Variants in TBC1D22A observed in about 807,000 individuals in gnomAD.
The protein encoded by TBC1D22A is TBC1 domain family member 22A, also known as putative GTPase activator.
TBC1D22A carries 38 observed loss-of-function variants against 60.2 expected under a neutral mutation model. The observed-to-expected ratio is 0.63, with a 90% confidence interval of 0.49 to 0.83. TBC1D22A has a LOEUF of 0.83. Among genes scored for constraint, TBC1D22A ranks in the 40% least tolerant of loss-of-function variants. The pLI is 0.00. For synonymous variants in TBC1D22A, 302 were observed against 281.7 expected, an observed-to-expected ratio of 1.07 and a Z score of -0.72; for missense variants, 628 against 701.0, an observed-to-expected ratio of 0.90 and a Z score of 1.18.
intron 12 of TBC1D22A, among the ~76,000 whole-genome samples, chr22:47,153,780 G>T (rs2147181478): frequency 6.6e-6 from 1 of 152,314 alleles, no homozygotes; most frequent in Admixed American, 6.5e-5. Context: ...TGGGGACGAT[G>T]TCTGCATTTG....
At chr22:46,767,585 T>TAG (rs1484571416) in intron 1 of TBC1D22A, among the ~76,000 whole-genome samples, 1 of 152,124 alleles carries the variant, frequency 6.6e-6, no homozygotes, top group East Asian at 1.9e-4. Flanking sequence ...ATAAATAACA[T>TAG]AGCTCAGTTA....
chr22:46,792,807 G>T (rs997964251), intron 2 of TBC1D22A: 4 of 1,451,618 alleles, frequency 2.8e-6, no homozygotes, highest in Non-Finnish European at 3.6e-6. Flanking sequence ...GTGGGGAGGT[G>T]GGGGAGCCCT....
intron 11 of TBC1D22A, among the ~76,000 whole-genome samples, chr22:47,058,287 C>T (rs1374829442): frequency 6.6e-6 from 1 of 152,184 alleles, no homozygotes; most frequent in African/African-American, 2.4e-5. Flanking sequence ...CTGCTTGTTA[C>T]TGACTTGACT....
intron 4 of TBC1D22A, among the ~76,000 whole-genome samples, chr22:46,853,801 G>A (rs920528067): frequency 2.0e-5 from 3 of 152,018 alleles, no homozygotes; most frequent in Non-Finnish European, 2.9e-5. Context: ...TCTGGGCCCT[G>A]GAGACTCAGC....
rs1274841874 is a variant in TBC1D22A, at chr22:47,141,288, G to T, written c.1425+29685G>T. Among the ~76,000 whole-genome samples, 8 of 152,306 alleles carry T rather than the reference G, an allele frequency of 5.3e-5. No homozygotes were observed. In the East Asian group the frequency reaches 1.5e-3, roughly 29 times the overall value. On this transcript the variant is annotated intron_variant, in intron 12 of 12. Coordinates refer to ENST00000337137, the MANE Select transcript of TBC1D22A (RefSeq NM_014346.5). ...GATTGTGGGAGCTACAATTCAAGAT[G>T]AGATTTGGGTGGGGACACAGCCAAA...
intron 7 of TBC1D22A, among the ~76,000 whole-genome samples, chr22:46,900,994 A>G (rs2068961899): frequency 6.6e-6 from 1 of 152,214 alleles, no homozygotes; most frequent in African/African-American, 2.4e-5. Flanking sequence ...TAGTTTTAAA[A>G]TCATAAATGG....
chr22:46,941,839 AAT>A (rs2072168386), intron 8 of TBC1D22A, among the ~76,000 whole-genome samples: 2 of 147,094 alleles, frequency 1.4e-5, no homozygotes, highest in African/African-American at 5.0e-5. Context: ...AGAATAATAG[AAT>A]ATATGTATAG....
At chr22:46,920,943 G>A (rs922829715) in intron 8 of TBC1D22A, among the ~76,000 whole-genome samples, 9 of 151,762 alleles carry the variant, frequency 5.9e-5, no homozygotes, top group Admixed American at 3.9e-4. Flanking sequence ...GCTAATTTTT[G>A]TATTTTTAGT....
intron 1 of TBC1D22A, among the ~76,000 whole-genome samples, chr22:46,769,328 A>T: frequency 6.6e-6 from 1 of 152,178 alleles, no homozygotes; most frequent in East Asian, 1.9e-4. Flanking sequence ...ACTGTTGGGG[A>T]TAATGAATTC....
In TBC1D22A at chr22:46,828,943, A is replaced by G. The variant is rs139649772; in HGVS notation, c.637+31323A>G. ...AAACGACCTACATGGCAGGTTCTATATTGTCTGTTTCAGATGAGCTAGAGG... is the reference window on the plus strand; with the variant it reads ...AAACGACCTACATGGCAGGTTCTATGTTGTCTGTTTCAGATGAGCTAGAGG... On this transcript the variant is annotated intron_variant, in intron 4 of 12. Coordinates refer to ENST00000337137, the MANE Select transcript of TBC1D22A (RefSeq NM_014346.5). 4.0e-3 allele frequency among the ~76,000 whole-genome samples: 611 copies of G among 152,230 alleles called. 2 individuals carry two copies. Among genetic ancestry groups the G allele is most frequent in the Middle Eastern group, 0.037 (11 of 294 alleles).
intron 4 of TBC1D22A, among the ~76,000 whole-genome samples, chr22:46,859,025 G>T (rs2087731790): frequency 7.8e-6 from 1 of 128,082 alleles, no homozygotes; most frequent in African/African-American, 2.9e-5. Context: ...TTTCGATAGA[G>T]GTCCGCGCAG....
chr22:46,848,195 C>A (rs1227775286), intron 4 of TBC1D22A, among the ~76,000 whole-genome samples: 1 of 152,220 alleles, frequency 6.6e-6, no homozygotes, highest in Non-Finnish European at 1.5e-5. Context: ...TAACTTTCCC[C>A]ACTCCCTCCA....
At chr22:47,057,243 T>C (rs2063424119) in intron 11 of TBC1D22A, among the ~76,000 whole-genome samples, 1 of 152,246 alleles carries the variant, frequency 6.6e-6, no homozygotes, top group Non-Finnish European at 1.5e-5. Flanking sequence ...GGCAGCTGGC[T>C]GGGGTTCTCT....
At chr22:46,962,570 C>A (rs2073565899) in intron 8 of TBC1D22A, among the ~76,000 whole-genome samples, 1 of 152,222 alleles carries the variant, frequency 6.6e-6, no homozygotes, top group African/African-American at 2.4e-5. Context: ...CTGGGGCATT[C>A]TTTGTAACAG....
intron 9 of TBC1D22A, among the ~76,000 whole-genome samples, chr22:46,987,226 A>G (rs1414016066): frequency 6.6e-6 from 1 of 152,160 alleles, no homozygotes; most frequent in Non-Finnish European, 1.5e-5. Flanking sequence ...TCAAAGAGGG[A>G]GAAATTAGTC....
At chr22:47,166,012 C>T (rs765407733) in intron 12 of TBC1D22A, among the ~76,000 whole-genome samples, 4 of 152,228 alleles carry the variant, frequency 2.6e-5, no homozygotes, top group Non-Finnish European at 5.9e-5. Flanking sequence ...GCAAATGGGC[C>T]TTTTAGCCCC....
intron 8 of TBC1D22A, among the ~76,000 whole-genome samples, chr22:46,949,883 A>T (rs185687276): frequency 2.4e-4 from 37 of 152,326 alleles, no homozygotes; most frequent in Admixed American, 3.3e-4. Flanking sequence ...GGGGGCCCTG[A>T]GGCCTGAGCC....
chr22:46,975,250 G>A (rs1268054816), intron 9 of TBC1D22A, among the ~76,000 whole-genome samples: 1 of 152,142 alleles, frequency 6.6e-6, no homozygotes, highest in African/African-American at 2.4e-5. Context: ...GCCTGCTCCG[G>A]AAGCTCACTC....
chr22:47,051,560 C>G (rs953697279), intron 11 of TBC1D22A, among the ~76,000 whole-genome samples: 5 of 152,082 alleles, frequency 3.3e-5, no homozygotes, highest in African/African-American at 1.2e-4. Flanking sequence ...GGTGGAGGCC[C>G]TGGTGATTCT....
Sources: gnomAD v4.1 joint callset for allele counts (sites outside exome capture counted in the v4.1 genomes callset) on GRCh38, gnomAD v4.1.1 for gene constraint, MANE v1.5 for transcripts, NCBI Gene and HGNC (gene_info 2026-07-23, HGNC 2026-07-21) for gene names.